The following WWOX variants were observed in gnomAD, a reference collection of about 807,000 sequenced individuals.
WWOX encodes WW domain-containing oxidoreductase.
A neutral mutation model predicts 46.2 loss-of-function variants in WWOX; 69 were observed. The observed-to-expected ratio is 1.49, with a 90% CI of 1.23 to 1.82. The LOEUF (loss-of-function observed/expected upper bound fraction) is 1.82, where lower values mean the gene tolerates loss of function less well. Among genes scored for constraint, WWOX ranks in the 40% most tolerant of loss-of-function variants. WWOX has a pLI of 0.00. For synonymous variants in WWOX, 359 were observed against 202.6 expected, an observed-to-expected ratio of 1.77 and a Z score of -6.56; for missense variants, 919 against 542.6, an observed-to-expected ratio of 1.69 and a Z score of -6.89.
chr16:78,455,200 G>A (rs1597109013), intron 8 of WWOX, among the ~76,000 whole-genome samples: 1 of 152,180 alleles, frequency 6.6e-6, no homozygotes, highest in African/African-American at 2.4e-5. Flanking sequence ...CTTGAATGAT[G>A]TGTCGGAGGC....
At chr16:78,398,878 T>G (rs1487459232) in intron 6 of WWOX, among the ~76,000 whole-genome samples, 1 of 152,252 alleles carries the variant, frequency 6.6e-6, no homozygotes, top group African/African-American at 2.4e-5. Flanking sequence ...ACCTGTGTCA[T>G]CATTGTCATC....
intron 8 of WWOX, among the ~76,000 whole-genome samples, chr16:78,776,381 C>A (rs542603649): frequency 1.3e-5 from 2 of 152,008 alleles, no homozygotes; most frequent in African/African-American, 2.4e-5. Context: ...GTGACACTTG[C>A]TTACTGTGTG....
At chr16:78,309,964 G>T (rs1452191017) in intron 5 of WWOX, among the ~76,000 whole-genome samples, 1 of 152,136 alleles carries the variant, frequency 6.6e-6, no homozygotes, top group Non-Finnish European at 1.5e-5. Context: ...CGTGAAGTTC[G>T]TAGAGCCAGG....
intron 8 of WWOX, among the ~76,000 whole-genome samples, chr16:78,871,014 T>G (rs1054769689): frequency 2.0e-5 from 3 of 152,228 alleles, no homozygotes; most frequent in East Asian, 1.9e-4. Context: ...TGCTTATGGT[T>G]AATTCTTCTG....
At chr16:79,200,886 C>G (rs2051335622) in intron 8 of WWOX, among the ~76,000 whole-genome samples, 1 of 152,254 alleles carries the variant, frequency 6.6e-6, no homozygotes, top group African/African-American at 2.4e-5. Flanking sequence ...GAGGTGCAGG[C>G]TTCATCTATA....
Position 79,211,770 on chromosome 16 carries a change from G to A in WWOX, c.1219G>A (p.Glu407Lys). Residue 407 changes from glutamate (E) to lysine (K), a missense_variant, in exon 9 of 9, where the codon GAA becomes AAA. Transcript: ENST00000566780. Reference sequence around the variant, plus strand: ...GGCGCTCAGCGAGAGGCTGATCCAAGAACGGCTTGGCAGCCAGTCCGGCTA... The same window carrying A: ...GGCGCTCAGCGAGAGGCTGATCCAAAAACGGCTTGGCAGCCAGTCCGGCTA... ...LWALSERLIQ[E>K]RLGSQSG 1 of 1,614,142 alleles carries A rather than the reference G, an allele frequency of 6.2e-7. No individual in the cohort carries two copies. The highest frequency in any genetic ancestry group is 1.3e-5 in the African/African-American group (1 of 75,078).
chr16:78,237,502 A>G (rs1271965784), intron 5 of WWOX: 1 of 152,108 alleles, frequency 6.6e-6, no homozygotes, highest in Admixed American at 6.5e-5. Flanking sequence ...GATCCAGCCA[A>G]GTGCTTTCAC....
At chr16:78,764,483 A>C (rs574678119) in intron 8 of WWOX, among the ~76,000 whole-genome samples, 8 of 147,966 alleles carry the variant, frequency 5.4e-5, no homozygotes, top group South Asian at 2.4e-4. Flanking sequence ...GACTGTTTTC[A>C]TCCAAACCAG....
intron 6 of WWOX, among the ~76,000 whole-genome samples, chr16:78,399,163 G>T (rs1166207671): frequency 1.3e-5 from 2 of 152,124 alleles, no homozygotes; most frequent in African/African-American, 4.8e-5. Flanking sequence ...ATGGATAGAA[G>T]GTTGGAAGAC....
intron 8 of WWOX, chr16:78,891,582 T>C (rs576490231): frequency 1.1e-4 from 17 of 152,354 alleles, no homozygotes; most frequent in South Asian, 4.1e-4. Context: ...CTGTCGATAA[T>C]TGATGCAAAG....
chr16:78,328,552 C>T (rs191460487), intron 5 of WWOX, among the ~76,000 whole-genome samples: 1 of 152,214 alleles, frequency 6.6e-6, no homozygotes, highest in Non-Finnish European at 1.5e-5. Flanking sequence ...TTTATTCTTG[C>T]AACAAGTATT....
chr16:78,659,407 C>G (rs904408310), intron 8 of WWOX, among the ~76,000 whole-genome samples: 2 of 152,124 alleles, frequency 1.3e-5, no homozygotes, highest in African/African-American at 2.4e-5. Context: ...TGTGCTCACC[C>G]TCAGGCTCGC....
chr16:78,899,622 T>A (rs1251220769), intron 8 of WWOX: 2 of 152,218 alleles, frequency 1.3e-5, no homozygotes, highest in African/African-American at 4.8e-5. Flanking sequence ...CATTGTCAAT[T>A]TTAAATAAAA....
At chr16:78,438,993 G>C (rs2083390763) in intron 8 of WWOX, among the ~76,000 whole-genome samples, 1 of 152,134 alleles carries the variant, frequency 6.6e-6, no homozygotes. Context: ...GGAGATAATA[G>C]ATGTTGATTT....
intron 8 of WWOX, among the ~76,000 whole-genome samples, chr16:78,717,739 G>C (rs2048597251): frequency 6.6e-6 from 1 of 152,186 alleles, no homozygotes; most frequent in South Asian, 2.1e-4. Flanking sequence ...CTTTGGGTTG[G>C]ACTCTGATGG....
At chr16:78,893,394 A>C (rs1202115431) in intron 8 of WWOX, among the ~76,000 whole-genome samples, 1 of 151,734 alleles carries the variant, frequency 6.6e-6, no homozygotes, top group Non-Finnish European at 1.5e-5. Flanking sequence ...CATTCAGTAT[A>C]TTTTCTTTAT....
At chr16:79,197,630 G>C (rs1031257547) in intron 8 of WWOX, among the ~76,000 whole-genome samples, 16 of 152,158 alleles carry the variant, frequency 1.1e-4, no homozygotes, top group Admixed American at 1.0e-3. Flanking sequence ...AGGTGGTTGT[G>C]GTGATAATCT....
At chr16:78,266,542 G>A (rs1030236721) in intron 5 of WWOX, among the ~76,000 whole-genome samples, 2 of 152,154 alleles carry the variant, frequency 1.3e-5, no homozygotes, top group Non-Finnish European at 2.9e-5. Flanking sequence ...AGCATAGGGT[G>A]ACCATAAGAC....
chr16:78,418,407 C>T (rs934804873), intron 6 of WWOX, among the ~76,000 whole-genome samples: 2 of 151,294 alleles, frequency 1.3e-5, no homozygotes, highest in Non-Finnish European at 2.9e-5. Flanking sequence ...TTTCCACAAA[C>T]TCTTTTAAAA....
Sources: gnomAD v4.1 joint callset for allele counts (sites outside exome capture counted in the v4.1 genomes callset) on GRCh38, gnomAD v4.1.1 for gene constraint, MANE v1.5 for transcripts, NCBI Gene and HGNC (gene_info 2026-07-23, HGNC 2026-07-21) for gene names.